Variants in ACAD11 observed in about 807,000 individuals in gnomAD.
ACAD11 encodes the protein acyl-Coenzyme A dehydrogenase family, member 11.
ACAD11 carries 83 observed loss-of-function variants against 102.2 expected under a neutral mutation model. The observed-to-expected ratio is 0.81, with a 90% CI of 0.68 to 0.97. ACAD11 has a LOEUF of 0.97. Among genes scored for constraint, ACAD11 ranks in the 50% least tolerant of loss-of-function variants. ACAD11 has a pLI of 0.00. For missense variants in ACAD11, 901 were observed against 951.7 expected, an observed-to-expected ratio of 0.95 and a Z score of 0.70; for synonymous variants, 324 against 319.8, an observed-to-expected ratio of 1.01 and a Z score of -0.14.
intron 13 of ACAD11, among the ~76,000 whole-genome samples, chr3:132,593,833 T>C (rs2107810818): frequency 6.6e-6 from 1 of 152,198 alleles, no homozygotes. Context: ...AGCCAATTTA[T>C]GGTAAGCAGC....
At chr3:132,626,873 T>C in intron 8 of ACAD11, 56 bp from the exon 9 acceptor site, 3 of 1,542,934 alleles carry the variant, frequency 1.9e-6, no homozygotes, top group South Asian at 1.2e-5. Flanking sequence ...AGATCATTAT[T>C]ACATATTTCT....
chr3:132,571,766 C>A (rs1325194523), intron 17 of ACAD11, among the ~76,000 whole-genome samples: 1 of 151,970 alleles, frequency 6.6e-6, no homozygotes, highest in Non-Finnish European at 1.5e-5. Flanking sequence ...ATTTGCAAAT[C>A]AATAAATCTG....
At chr3:132,594,927 T>C (rs184116350) in intron 13 of ACAD11, among the ~76,000 whole-genome samples, 6 of 152,326 alleles carry the variant, frequency 3.9e-5, no homozygotes, top group Admixed American at 2.0e-4. Context: ...GTAGTCATTA[T>C]GTGTCAGGTA....
chr3:132,630,295 A>G, intron 7 of ACAD11, 142 bp downstream of exon 7: 1 of 941,984 alleles, frequency 1.1e-6, no homozygotes. Flanking sequence ...CTGGATTTAT[A>G]TTTTACCTAT....
At chr3:132,650,504 A>T (rs944874574) in intron 1 of ACAD11, 1 of 152,160 alleles carries the variant, frequency 6.6e-6, no homozygotes, top group Non-Finnish European at 1.5e-5. Context: ...CAGTTTTTTT[A>T]AAAAATCATA....
intron 17 of ACAD11, among the ~76,000 whole-genome samples, chr3:132,562,704 G>C (rs140778039): frequency 6.6e-6 from 1 of 152,172 alleles, no homozygotes; most frequent in Non-Finnish European, 1.5e-5. Context: ...TCAATGTACT[G>C]ATTTGCCATC....
chr3:132,659,444 G>A (rs576310098), intron 1 of ACAD11, 159 bp downstream of exon 1: 6 of 1,004,794 alleles, frequency 6.0e-6, no homozygotes, highest in South Asian at 3.4e-5. Flanking sequence ...CATCGAATTC[G>A]GAGGGCCGGC....
Position 132,630,549 on chromosome 3 carries a change from G to A in ACAD11, c.851C>T (p.Ser284Leu), listed in dbSNP as rs868250576. 5 of 1,607,404 alleles carry A rather than the reference G, an allele frequency of 3.1e-6. No individual in the cohort carries two copies. In the African/African-American group the frequency reaches 6.7e-5, roughly 22 times the overall value. ...ATATATTGAAATCAGTTCTTCCATT[G>A]ATGGTATCCCTATAAAAACAGCATG... ...GSYSENSGIP[S>L]MEELISIYCR... Residue 284 changes from serine to leucine, a missense_variant, in exon 7 of 20, where the codon TCA (serine) becomes TTA (leucine). Coordinates refer to ENST00000264990, the MANE Select transcript of ACAD11 (RefSeq NM_032169.5).
chr3:132,583,287 A>G (rs1471483286), intron 13 of ACAD11, among the ~76,000 whole-genome samples: 1 of 152,150 alleles, frequency 6.6e-6, no homozygotes, highest in Admixed American at 6.6e-5. Context: ...GGGAGGGTGT[A>G]TGCGTCGAGG....
intron 9 of ACAD11, among the ~76,000 whole-genome samples, chr3:132,621,546 A>G (rs1939607381): frequency 6.6e-6 from 1 of 152,206 alleles, no homozygotes; most frequent in African/African-American, 2.4e-5. Flanking sequence ...GAAAAAAGGA[A>G]AACAACAACA....
At chr3:132,576,424 T>C (rs1222285622) in intron 16 of ACAD11, among the ~76,000 whole-genome samples, 2 of 152,164 alleles carry the variant, frequency 1.3e-5, no homozygotes, top group Non-Finnish European at 2.9e-5. Flanking sequence ...GAAAGGGATA[T>C]AGTATTCTAA....
chr3:132,569,516 C>A (rs1937316149), intron 17 of ACAD11, among the ~76,000 whole-genome samples: 1 of 152,108 alleles, frequency 6.6e-6, no homozygotes, highest in Non-Finnish European at 1.5e-5. Flanking sequence ...AAAGCCTACA[C>A]AAATGTTTAC....
Position 132,585,457 on chromosome 3 carries a change from C to T in ACAD11, c.1622-5899G>A, listed in dbSNP as rs554573890. Among the ~76,000 whole-genome samples the T allele has an allele frequency of 1.5e-3, 223 of 152,244 alleles. 2 individuals are homozygous for T. Among genetic ancestry groups the T allele is most frequent in the African/African-American group, 4.7e-3 (194 of 41,542 alleles). On this transcript the variant is annotated intron_variant, in intron 13 of 19. Transcript: ENST00000264990. Reference sequence around the variant, plus strand: ...GGGCAAGGACTTCATGTCTAAAACACCAAAAGCAATGTCAACAAAAGACAA... The same window carrying T: ...GGGCAAGGACTTCATGTCTAAAACATCAAAAGCAATGTCAACAAAAGACAA...
Position 132,609,504 on chromosome 3 carries a change from C to G in ACAD11, c.1415-4299G>C, listed in dbSNP as rs530374221. On this transcript the variant is annotated intron_variant, in intron 11 of 19. Coordinates refer to ENST00000264990, the MANE Select transcript of ACAD11 (RefSeq NM_032169.5). Reference sequence around the variant, plus strand: ...TACCATCAGAGAATACTATAAACACCCTATGCAAATAAACTAGAAAATCTA... The same window carrying G: ...TACCATCAGAGAATACTATAAACACGCTATGCAAATAAACTAGAAAATCTA... Among the ~76,000 whole-genome samples, 38 of 151,994 alleles carry G rather than the reference C, an allele frequency of 2.5e-4. No individual in the cohort carries two copies. In the South Asian group the frequency reaches 6.9e-3, roughly 28 times the overall value.
intron 4 of ACAD11, among the ~76,000 whole-genome samples, chr3:132,640,584 A>G (rs1329900781): frequency 6.6e-6 from 1 of 152,188 alleles, no homozygotes; most frequent in Non-Finnish European, 1.5e-5. Flanking sequence ...TCTTTGCTCA[A>G]CTTAGTGCAA....
chr3:132,583,616 T>A (rs1338416067), intron 13 of ACAD11, among the ~76,000 whole-genome samples: 2 of 152,196 alleles, frequency 1.3e-5, no homozygotes, highest in Non-Finnish European at 2.9e-5. Flanking sequence ...TGCTCTTGCT[T>A]CTCTAGTTCT....
chr3:132,655,473 T>C (rs1937738825), intron 1 of ACAD11, among the ~76,000 whole-genome samples: 1 of 152,234 alleles, frequency 6.6e-6, no homozygotes, highest in African/African-American at 2.4e-5. Flanking sequence ...ATTTGGGCTG[T>C]GTTTCCTCAA....
chr3:132,590,118 T>A (rs373144566), intron 13 of ACAD11, among the ~76,000 whole-genome samples: 2 of 152,218 alleles, frequency 1.3e-5, no homozygotes, highest in African/African-American at 4.8e-5. Context: ...TTGATGGGCA[T>A]TTAGGTTGAT....
At chr3:132,633,946 T>TA (rs1940160059) in intron 5 of ACAD11, among the ~76,000 whole-genome samples, 1 of 151,904 alleles carries the variant, frequency 6.6e-6, no homozygotes, top group African/African-American at 2.4e-5. Context: ...CCTAAAACCA[T>TA]AAAAACCCTA....
Sources: gnomAD v4.1 joint callset for allele counts (sites outside exome capture counted in the v4.1 genomes callset) on GRCh38, gnomAD v4.1.1 for gene constraint, MANE v1.5 for transcripts, NCBI Gene and HGNC (gene_info 2026-07-23, HGNC 2026-07-21) for gene names.